Variants in PPARG observed in about 807,000 individuals in gnomAD.
The protein encoded by PPARG is peroxisome proliferator-activated receptor gamma.
In PPARG, 17 loss-of-function variants were observed where a neutral mutation model predicts 39.2. The ratio of observed to expected loss-of-function variants is 0.43; its 90% CI spans 0.30 to 0.65. The LOEUF (loss-of-function observed/expected upper bound fraction) is 0.65, where lower values mean the gene tolerates loss of function less well. Ranked by LOEUF, PPARG falls within the 30% of genes least tolerant of loss-of-function variation. The probability of loss-of-function intolerance (pLI) is 0.13; values close to 1 mark genes in which losing one functional copy is unlikely to be tolerated. For missense variants in PPARG, 406 were observed against 585.9 expected, an observed-to-expected ratio of 0.69 and a Z score of 3.17; for synonymous variants, 223 against 215.7, an observed-to-expected ratio of 1.03 and a Z score of -0.30.
intron 6 of PPARG, among the ~76,000 whole-genome samples, chr3:12,409,707 G>A (rs552160065): frequency 5.3e-5 from 8 of 152,272 alleles, no homozygotes; most frequent in Admixed American, 5.2e-4. Context: ...GCCAAGGCTG[G>A]GGGAGGCTAC....
chr3:12,422,301 C>A (rs1019093628), intron 7 of PPARG, among the ~76,000 whole-genome samples: 1 of 152,170 alleles, frequency 6.6e-6, no homozygotes, highest in African/African-American at 2.4e-5. Context: ...GGTAGGAAGA[C>A]TACATGGCTG....
At chr3:12,406,498 A>G (rs1293045277) in intron 6 of PPARG, 1 of 133,374 alleles carries the variant, frequency 7.5e-6, no homozygotes, top group East Asian at 2.2e-4. Flanking sequence ...GAATCCCACT[A>G]TTTCACCTTT....
chr3:12,354,689 G>A (rs2048600819), intron 2 of PPARG, among the ~76,000 whole-genome samples: 1 of 150,566 alleles, frequency 6.6e-6, no homozygotes, highest in African/African-American at 2.4e-5. Context: ...GGAGGCAGAG[G>A]TTGCAGTGAG....
At chr3:12,401,064 A>G (rs935947411) in intron 5 of PPARG, among the ~76,000 whole-genome samples, 1 of 152,208 alleles carries the variant, frequency 6.6e-6, no homozygotes, top group Admixed American at 6.5e-5. Context: ...AGATTTGGAA[A>G]AATACACTTG....
At chr3:12,418,046 G>A (rs1405043414) in intron 7 of PPARG, among the ~76,000 whole-genome samples, 1 of 151,218 alleles carries the variant, frequency 6.6e-6, no homozygotes, top group East Asian at 1.9e-4. Flanking sequence ...GTAATACGTG[G>A]CCATTTTACA....
At position 12,434,031 on chromosome 3, in the gene PPARG, A is replaced by C. The variant is rs947767116; in HGVS notation, c.1314A>C (p.Thr438=). ...QLFAKLLQKM[T]DLRQIVTEHV... is the part of the protein sequence containing the mutation. ...TTGCCAAGCTGCTCCAGAAAATGAC[A>C]GACCTCAGACAGATTGTCACGGAAC... Residue 438 remains threonine (T), a synonymous_variant, in exon 8 of 8, where the codon ACA becomes ACC. Transcript: ENST00000651735. This position sits in a 1 kb window ranked among gnomAD's most constrained non-coding sequence, Gnocchi z 4.2. The C allele has an allele frequency of 1.2e-6, 2 of 1,614,114 alleles. No individual in the cohort carries two copies. The highest frequency in any genetic ancestry group is 2.7e-5 in the African/African-American group (2 of 74,934).
chr3:12,326,439 A>G (rs1242903476), intron 2 of PPARG, among the ~76,000 whole-genome samples: 1 of 152,256 alleles, frequency 6.6e-6, no homozygotes, highest in African/African-American at 2.4e-5. Flanking sequence ...TCTCTGGTTA[A>G]TGTTCTCAAA....
chr3:12,294,235 T>G (rs537522415), intron 1 of PPARG, among the ~76,000 whole-genome samples: 1 of 152,334 alleles, frequency 6.6e-6, no homozygotes, highest in Non-Finnish European at 1.5e-5. Flanking sequence ...GGAAAAGATA[T>G]ATTTACCCAT....
At chr3:12,415,210 T>C (rs1293192491) in intron 6 of PPARG, among the ~76,000 whole-genome samples, 12 of 152,140 alleles carry the variant, frequency 7.9e-5, no homozygotes, top group Admixed American at 7.9e-4. Context: ...TCTCCACACA[T>C]ATGCCCACTC....
chr3:12,377,638 T>C (rs1481155391), intron 2 of PPARG, among the ~76,000 whole-genome samples: 1 of 152,182 alleles, frequency 6.6e-6, no homozygotes, highest in Non-Finnish European at 1.5e-5. Flanking sequence ...GCATTATAAA[T>C]ACAAGTAGAA....
At chr3:12,342,291 G>T (rs148285422) in intron 2 of PPARG, among the ~76,000 whole-genome samples, 1 of 152,278 alleles carries the variant, frequency 6.6e-6, no homozygotes, top group Non-Finnish European at 1.5e-5. Context: ...CTGATAACTG[G>T]CCTGACCTCT....
chr3:12,368,183 CTTTTTTGTT>C (rs2049080873), intron 2 of PPARG, among the ~76,000 whole-genome samples: 1 of 133,468 alleles, frequency 7.5e-6, no homozygotes, highest in African/African-American at 2.8e-5. Flanking sequence ...TTTTCTTTTT[CTTTTTTGTT>C]TTTTTTTCAG....
chr3:12,380,353 T>C (rs188304159), intron 3 of PPARG, among the ~76,000 whole-genome samples: 35 of 152,338 alleles, frequency 2.3e-4, no homozygotes, highest in African/African-American at 3.6e-4. Flanking sequence ...CTACAGTACA[T>C]TTTTTCTAGT....
chr3:12,416,665 A>G (rs1428299435), intron 6 of PPARG, 39 bp from the exon 7 acceptor site: 2 of 1,582,416 alleles, frequency 1.3e-6, no homozygotes, highest in Non-Finnish European at 1.7e-6. Context: ...TGAGTTAGAA[A>G]TCTCCAAGTC....
chr3:12,404,827 A>G (rs2050600765), intron 5 of PPARG, among the ~76,000 whole-genome samples: 2 of 152,172 alleles, frequency 1.3e-5, no homozygotes. Flanking sequence ...AAATAAAATA[A>G]AAATCTCTTT....
chr3:12,425,703 A>G (rs2051418826), intron 7 of PPARG, among the ~76,000 whole-genome samples: 1 of 152,134 alleles, frequency 6.6e-6, no homozygotes, highest in African/African-American at 2.4e-5. Flanking sequence ...TACGTACATC[A>G]CTAGGCTTAA....
intron 1 of PPARG, among the ~76,000 whole-genome samples, chr3:12,299,454 A>G (rs557157968): frequency 2.2e-4 from 34 of 152,236 alleles, no homozygotes; most frequent in African/African-American, 7.7e-4. Context: ...CAGCTCTCTT[A>G]CTATCCTATT....
At chr3:12,313,521 T>G (rs942185968) in intron 2 of PPARG, among the ~76,000 whole-genome samples, 17 of 152,328 alleles carry the variant, frequency 1.1e-4, no homozygotes, top group Admixed American at 9.1e-4. Flanking sequence ...AACAAGTAAG[T>G]GTTAAGCAAA....
chr3:12,377,389 A>G (rs2049453723), intron 2 of PPARG, among the ~76,000 whole-genome samples: 1 of 152,192 alleles, frequency 6.6e-6, no homozygotes, highest in Non-Finnish European at 1.5e-5. Context: ...GTTTCCACAT[A>G]TCTCTCTAAC....
Sources: allele counts gnomAD v4.1 joint callset (sites outside exome capture counted in the v4.1 genomes callset), GRCh38; gene constraint gnomAD v4.1.1; non-coding constraint Gnocchi (gnomAD v3.1); transcripts MANE v1.5; gene names NCBI Gene and HGNC (gene_info 2026-07-23, HGNC 2026-07-21).